Variants in PREP observed in about 807,000 individuals in gnomAD.
PREP encodes the protein prolyl endopeptidase.
A neutral mutation model predicts 87.6 loss-of-function variants in PREP; 29 were observed. The ratio of observed to expected loss-of-function variants is 0.33; its 90% confidence interval spans 0.25 to 0.45. The LOEUF (loss-of-function observed/expected upper bound fraction) is 0.45. Among genes scored for constraint, PREP ranks in the 20% least tolerant of loss-of-function variants. PREP has a pLI of 1.00. For synonymous variants in PREP, 337 were observed against 328.6 expected (o/e 1.03, Z -0.28); for missense variants, 695 against 886.5 (o/e 0.78, Z 2.74).
intron 7 of PREP, among the ~76,000 whole-genome samples, chr6:105,345,796 G>C (rs1191895228): frequency 1.3e-5 from 2 of 152,192 alleles, no homozygotes; most frequent in Non-Finnish European, 2.9e-5. Context: ...GGCCTCACCA[G>C]CCTCAGTTTC....
intron 6 of PREP, among the ~76,000 whole-genome samples, chr6:105,366,628 T>G (rs145529902): frequency 1.3e-5 from 2 of 152,342 alleles, no homozygotes; most frequent in East Asian, 3.8e-4. Flanking sequence ...TCCACTCTAT[T>G]TGTAAACACT....
chr6:105,383,268 A>G (rs920857431), intron 2 of PREP, among the ~76,000 whole-genome samples: 41 of 151,558 alleles, frequency 2.7e-4, no homozygotes, highest in African/African-American at 1.0e-3. Context: ...AAAAAAAAAA[A>G]AGAGTGCTCG....
In PREP at chr6:105,277,057, C is replaced by T. The variant is rs942196872; in HGVS notation, c.*1087G>A. Among the ~76,000 whole-genome samples the T allele has an allele frequency of 2.3e-4, 35 of 151,522 alleles. No homozygotes were observed. Among genetic ancestry groups the T allele is most frequent in the African/African-American group, 8.2e-4 (34 of 41,304 alleles). ...TTTCCCAAACTGATACTCAAAGGAA[C>T]ATTGTTTCATGAAATGTTAAAATAT... is the stretch of plus-strand genomic sequence containing the variant. On this transcript the variant is annotated 3_prime_UTR_variant, in exon 15 of 15. Transcript: ENST00000652536.
At chr6:105,354,149 T>C (rs147873816) in intron 6 of PREP, among the ~76,000 whole-genome samples, 1 of 152,228 alleles carries the variant, frequency 6.6e-6, no homozygotes, top group Non-Finnish European at 1.5e-5. Context: ...AACTGCTGTA[T>C]AGTATTACAA....
At chr6:105,291,297 G>A (rs1396858778) in intron 10 of PREP, among the ~76,000 whole-genome samples, 1 of 152,148 alleles carries the variant, frequency 6.6e-6, no homozygotes, top group African/African-American at 2.4e-5. Flanking sequence ...CACAATGATG[G>A]ACTTTTCCTT....
rs1772475297 is a variant in PREP, at chr6:105,369,277, TAA to T, written c.596-255_596-254del. 7.9e-5 allele frequency among the ~76,000 whole-genome samples: 12 copies of T among 152,200 alleles called. 1 individual carries two copies. ...TAACAAAATATGTGTAAGATCTATC[TAA>T]GGAAAACTGCAAAATTCTGATGAAA... On this transcript the variant is annotated intron_variant, in intron 5 of 14. Transcript: ENST00000652536.
At chr6:105,294,624 C>T (rs80294125) in intron 10 of PREP, among the ~76,000 whole-genome samples, 5,037 of 152,244 alleles carry the variant, frequency 0.033, 262 homozygotes, top group African/African-American at 0.11. Flanking sequence ...GTAAAGAAGG[C>T]GAGCTGCATA....
chr6:105,376,028 C>A (rs765749349), intron 4 of PREP, 97 bp downstream of exon 4: 2 of 1,435,672 alleles, frequency 1.4e-6, no homozygotes, highest in Non-Finnish European at 1.9e-6. Context: ...ATGGTCCACA[C>A]CCTGCCTGGC....
At chr6:105,376,835 G>A (rs561191773) in intron 3 of PREP, among the ~76,000 whole-genome samples, 4 of 152,298 alleles carry the variant, frequency 2.6e-5, no homozygotes, top group African/African-American at 9.6e-5. Flanking sequence ...GCCAGGGTTT[G>A]GTAGGCAGAC....
At position 105,295,397 on chromosome 6, in the gene PREP, T is replaced by G. The variant is rs545422472; in HGVS notation, c.1318-6503A>C. ...TTTTGTTTTTTGTATTTTTTCCCTT[T>G]CTTTGGCATACAGATAGACTCAAAT... On this transcript the variant is annotated intron_variant, in intron 10 of 14. Transcript: ENST00000652536. 7.2e-5 allele frequency among the ~76,000 whole-genome samples: 11 copies of G among 152,222 alleles called. No homozygotes were observed. The South Asian group carries it at 2.3e-3, about 32-fold the overall frequency.
intron 2 of PREP, 139 bp downstream of exon 2, chr6:105,397,714 G>T: frequency 1.6e-6 from 1 of 620,092 alleles, no homozygotes; most frequent in Non-Finnish European, 2.8e-6. Flanking sequence ...ACAAAAAGTA[G>T]TGGTAACAAC....
In PREP at chr6:105,274,776, G is replaced by C. The variant is rs1769902397; in HGVS notation, c.*3368C>G. ...ACAGCAAAACTCCATCCCAAAAAAA[G>C]AGTGCAGTATCCAAGGCCCAGCTCC... is the stretch of plus-strand genomic sequence containing the variant. On this transcript the variant is annotated 3_prime_UTR_variant, in exon 15 of 15. Transcript: ENST00000652536. Among the ~76,000 whole-genome samples, 1 of 152,096 alleles carries C rather than the reference G, an allele frequency of 6.6e-6. No individual in the cohort carries two copies. Among genetic ancestry groups the C allele is most frequent in the Admixed American group, 6.6e-5 (1 of 15,264 alleles).
At chr6:105,352,220 T>C (rs543056531) in intron 7 of PREP, among the ~76,000 whole-genome samples, 1 of 152,342 alleles carries the variant, frequency 6.6e-6, no homozygotes, top group South Asian at 2.1e-4. Flanking sequence ...CCAGTATGTC[T>C]GATAGGATTT....
At chr6:105,305,731 A>G (rs973747952) in intron 10 of PREP, among the ~76,000 whole-genome samples, 1 of 152,202 alleles carries the variant, frequency 6.6e-6, no homozygotes, top group African/African-American at 2.4e-5. Flanking sequence ...TTGACAGCCC[A>G]GACATGCCTC....
At chr6:105,321,657 A>G (rs1043090650) in intron 10 of PREP, among the ~76,000 whole-genome samples, 1 of 152,216 alleles carries the variant, frequency 6.6e-6, no homozygotes, top group African/African-American at 2.4e-5. Flanking sequence ...AAACACCCCA[A>G]TCATACTAAG....
chr6:105,397,791 G>A, intron 2 of PREP, 62 bp downstream of exon 2: 1 of 1,277,284 alleles, frequency 7.8e-7, no homozygotes, highest in Non-Finnish European at 1.1e-6. Context: ...TATAGTTACT[G>A]ACATTTAGAG....
chr6:105,315,918 C>G (rs941427041), intron 10 of PREP, among the ~76,000 whole-genome samples: 21 of 152,200 alleles, frequency 1.4e-4, no homozygotes, highest in South Asian at 2.1e-4. Flanking sequence ...TAGGGCTTTG[C>G]TATGGATTAG....
At chr6:105,317,114 T>TAA (rs201487403) in intron 10 of PREP, among the ~76,000 whole-genome samples, 1 of 150,324 alleles carries the variant, frequency 6.7e-6, no homozygotes, top group African/African-American at 2.5e-5. Context: ...CCTGGCTAAT[T>TAA]AAAAAAAAAT....
chr6:105,352,518 CTTTTTTGTTTAT>C (rs1441917234), intron 7 of PREP, among the ~76,000 whole-genome samples: 1 of 152,082 alleles, frequency 6.6e-6, no homozygotes, highest in East Asian at 1.9e-4. Context: ...AACATTACGC[CTTTTTTGTTTAT>C]TTTAAAGACA....
Sources: gnomAD v4.1 joint callset for allele counts (sites outside exome capture counted in the v4.1 genomes callset) on GRCh38, gnomAD v4.1.1 for gene constraint, MANE v1.5 for transcripts, NCBI Gene and HGNC (gene_info 2026-07-23, HGNC 2026-07-21) for gene names.